The following DLGAP2 variants were observed in gnomAD, a reference collection of about 807,000 sequenced individuals.
DLGAP2 encodes DLG associated protein 2.
A neutral mutation model predicts 100.3 loss-of-function variants in DLGAP2; 26 were observed. The observed-to-expected ratio is 0.26, with a 90% CI of 0.19 to 0.36. The LOEUF (loss-of-function observed/expected upper bound fraction) is 0.36. Ranked by LOEUF, DLGAP2 falls within the 10% of genes least tolerant of loss-of-function variation. The probability of loss-of-function intolerance (pLI) is 1.00; values close to 1 mark genes in which losing one functional copy is unlikely to be tolerated. For synonymous variants in DLGAP2, 886 were observed against 630.1 expected, an observed-to-expected ratio of 1.41 and a Z score of -6.08; for missense variants, 1,858 against 1,453.2, an observed-to-expected ratio of 1.28 and a Z score of -4.53.
rs567474593 is a variant in DLGAP2 at position 1,550,429 on chromosome 8, T to G, written c.1230+746T>G. 1.3e-3 allele frequency among the ~76,000 whole-genome samples: 200 copies of G among 152,200 alleles called. 2 individuals are homozygous for G. The highest frequency in any genetic ancestry group is 2.2e-3 in the Non-Finnish European group (151 of 68,014). On this transcript the variant is annotated intron_variant, in intron 5 of 14. Coordinates refer to ENST00000637795, the MANE Select transcript of DLGAP2 (RefSeq NM_001346810.2). The stretch of plus-strand genomic sequence containing the variant: ...CCATCCCTCTAAACACAGTGGGCCA[T>G]TTCTTTAAGGCCTCTAAGGCTGGAG...
At chr8:1,641,915 GCCC>G (rs1797914248) in intron 8 of DLGAP2, among the ~76,000 whole-genome samples, 4 of 132,862 alleles carry the variant, frequency 3.0e-5, no homozygotes, top group Admixed American at 7.5e-5. Context: ...GACCCCGCCG[GCCC>G]TCACCTGTGT....
chr8:1,407,419 CTTGTCCTCCAGAG>C (rs1796594339), intron 3 of DLGAP2, among the ~76,000 whole-genome samples: 1 of 128,262 alleles, frequency 7.8e-6, no homozygotes, highest in Non-Finnish European at 1.7e-5. Flanking sequence ...GCGCCACCTC[CTTGTCCTCCAGAG>C]TCGTGTATTG....
intron 2 of DLGAP2, among the ~76,000 whole-genome samples, chr8:1,123,016 C>A (rs905978663): frequency 2.6e-5 from 4 of 152,124 alleles, no homozygotes; most frequent in African/African-American, 4.8e-5. Context: ...TAATTCTATG[C>A]CTTCAAATCT....
chr8:1,416,617 G>A (rs1244655696), intron 3 of DLGAP2, among the ~76,000 whole-genome samples: 1 of 152,034 alleles, frequency 6.6e-6, no homozygotes, highest in African/African-American at 2.4e-5. Flanking sequence ...ACAGTTTTTT[G>A]TCACCTCAAC....
chr8:1,462,357 G>A (rs550362899), intron 3 of DLGAP2, among the ~76,000 whole-genome samples: 1 of 93,938 alleles, frequency 1.1e-5, no homozygotes, highest in Non-Finnish European at 2.2e-5. Context: ...GGGTGCAGTC[G>A]CTGATTCAGT....
At chr8:811,748 G>A (rs994426300) in intron 1 of DLGAP2, among the ~76,000 whole-genome samples, 23 of 151,986 alleles carry the variant, frequency 1.5e-4, no homozygotes, top group Non-Finnish European at 2.9e-4. Context: ...CTATCTGGGG[G>A]CCCTGCCAGG....
chr8:823,567 A>T (rs1796628562), intron 1 of DLGAP2, among the ~76,000 whole-genome samples: 1 of 152,204 alleles, frequency 6.6e-6, no homozygotes, highest in Non-Finnish European at 1.5e-5. Context: ...CAGCTCCAGC[A>T]GCACGGGGCT....
At chr8:1,070,530 T>C (rs1803395047) in intron 2 of DLGAP2, among the ~76,000 whole-genome samples, 1 of 152,216 alleles carries the variant, frequency 6.6e-6, no homozygotes, top group Non-Finnish European at 1.5e-5. Context: ...CTCTGAAATA[T>C]CTCACAGGTG....
chr8:1,573,101 A>G (rs1584943070), intron 6 of DLGAP2, among the ~76,000 whole-genome samples: 1 of 72,774 alleles, frequency 1.4e-5, no homozygotes, highest in African/African-American at 6.0e-5. Flanking sequence ...GAGAGGAGAG[A>G]GGGGTGAACT....
In DLGAP2 at chr8:1,282,582, T is replaced by C. The variant is rs1342734636; in HGVS notation, c.106+23699T>C. 4.2e-3 allele frequency among the ~76,000 whole-genome samples: 384 copies of C among 91,468 alleles called. 24 individuals carry two copies. The highest frequency in any genetic ancestry group is 0.025 in the South Asian group (62 of 2,470). 60.0% of individuals were successfully genotyped at this position (91,468 alleles called of 152,430 possible). ...ACCTGAACCCAGCACATGAACCATC[T>C]GGACATGGTGTGACCTGAACCCAGC... On this transcript the variant is annotated intron_variant, in intron 3 of 14. Coordinates refer to ENST00000637795, the MANE Select transcript of DLGAP2 (RefSeq NM_001346810.2).
chr8:1,254,044 C>T (rs747487383), intron 2 of DLGAP2, among the ~76,000 whole-genome samples: 1 of 152,244 alleles, frequency 6.6e-6, no homozygotes, highest in Non-Finnish European at 1.5e-5. Flanking sequence ...TCTGAGTGAG[C>T]CGCCTCGTGA....
intron 8 of DLGAP2, among the ~76,000 whole-genome samples, chr8:1,663,001 GGTGT>G (rs139095536): frequency 3.4e-5 from 5 of 149,114 alleles, no homozygotes; most frequent in Non-Finnish European, 5.9e-5. Flanking sequence ...GTGAGTGTGG[GGTGT>G]GTGTGTGTGT....
At chr8:1,416,491 G>T (rs550230153) in intron 3 of DLGAP2, among the ~76,000 whole-genome samples, 5 of 152,336 alleles carry the variant, frequency 3.3e-5, no homozygotes, top group Non-Finnish European at 7.3e-5. Context: ...TGCTGCTCCT[G>T]TTTCCTAAGT....
chr8:1,315,037 G>A (rs549896908), intron 3 of DLGAP2, among the ~76,000 whole-genome samples: 63 of 152,328 alleles, frequency 4.1e-4, no homozygotes, highest in African/African-American at 9.1e-4. Context: ...ACACCGCTCC[G>A]TGGCGGTGGT....
chr8:864,513 T>A (rs1002347727), intron 1 of DLGAP2, among the ~76,000 whole-genome samples: 1 of 152,204 alleles, frequency 6.6e-6, no homozygotes, highest in Admixed American at 6.5e-5. Flanking sequence ...GGGACATCTT[T>A]TGGCCAGAAA....
intron 1 of DLGAP2, among the ~76,000 whole-genome samples, chr8:779,297 T>A (rs1821622088): frequency 6.6e-6 from 1 of 152,136 alleles, no homozygotes; most frequent in South Asian, 2.1e-4. Flanking sequence ...AAATCACCCG[T>A]CTTCTGCCTT....
chr8:1,341,973 C>G (rs763360180), intron 3 of DLGAP2, among the ~76,000 whole-genome samples: 4 of 152,036 alleles, frequency 2.6e-5, no homozygotes, highest in African/African-American at 9.7e-5. Context: ...TTTTTTGAGA[C>G]GGCATCTCTC....
intron 1 of DLGAP2, among the ~76,000 whole-genome samples, chr8:892,252 A>G (rs1798050413): frequency 1.3e-5 from 2 of 152,338 alleles, no homozygotes; most frequent in African/African-American, 4.8e-5. Context: ...CTGCACACCC[A>G]GGCTCATAGC....
At chr8:1,445,120 G>C (rs1202797461) in intron 3 of DLGAP2, among the ~76,000 whole-genome samples, 1 of 150,044 alleles carries the variant, frequency 6.7e-6, no homozygotes, top group Non-Finnish European at 1.5e-5. Flanking sequence ...TAAGTTTTAG[G>C]GTACATGTGT....
Sources: gnomAD v4.1 joint callset for allele counts (sites outside exome capture counted in the v4.1 genomes callset) on GRCh38, gnomAD v4.1.1 for gene constraint, MANE v1.5 for transcripts, NCBI Gene and HGNC (gene_info 2026-07-23, HGNC 2026-07-21) for gene names.